CCDC6: variants seen among roughly 807,000 people sequenced by gnomAD.
The protein encoded by CCDC6 is coiled-coil domain containing 6.
A neutral mutation model predicts 56.6 loss-of-function variants in CCDC6; 20 were observed. That is an observed-to-expected ratio of 0.35 (90% CI 0.25 to 0.51). CCDC6 has a LOEUF of 0.51. Ranked by LOEUF, CCDC6 falls within the 20% of genes least tolerant of loss-of-function variation. The pLI, the probability that CCDC6 is intolerant of heterozygous loss-of-function variation, is 0.95. For synonymous variants in CCDC6, 241 were observed against 234.4 expected, an observed-to-expected ratio of 1.03 and a Z score of -0.26; for missense variants, 367 against 601.1, an observed-to-expected ratio of 0.61 and a Z score of 4.07.
Position 59,789,115 on chromosome 10 carries a change from T to G in CCDC6, c.*3802A>C, listed in dbSNP as rs1260512412. On this transcript the variant is annotated 3_prime_UTR_variant, in exon 9 of 9. Coordinates refer to ENST00000263102, the MANE Select transcript of CCDC6 (RefSeq NM_005436.5). ...CTCAGGGGTCAACCTGACCAGATAC[T>G]CTTCTGGAGGAATGCATTCTTAAAC... 4.4e-6 allele frequency: 1 copy of G among 228,722 alleles called. No individual in the cohort carries two copies. The highest frequency in any genetic ancestry group is 1.8e-4 in the South Asian group (1 of 5,464). The allele number at this position is 228,722 out of a possible 1,614,324, so 14.2% of individuals were successfully genotyped here. A position where few individuals can be genotyped will look rare whatever the true frequency, so the allele number is the denominator to read the frequency against.
At chr10:59,879,586 T>C (rs945438630) in intron 1 of CCDC6, among the ~76,000 whole-genome samples, 2 of 58,806 alleles carry the variant, frequency 3.4e-5, no homozygotes, top group Admixed American at 2.0e-4. Flanking sequence ...AATACAAACA[T>C]ATCCCATCTC....
chr10:59,866,622 C>T (rs970647210), intron 1 of CCDC6, among the ~76,000 whole-genome samples: 2 of 152,058 alleles, frequency 1.3e-5, no homozygotes, highest in Non-Finnish European at 2.9e-5. Context: ...TTCGGCCTCA[C>T]GTCGTATATA....
chr10:59,862,318 C>G (rs1332937436), intron 1 of CCDC6, among the ~76,000 whole-genome samples: 1 of 151,518 alleles, frequency 6.6e-6, no homozygotes, highest in Non-Finnish European at 1.5e-5. Context: ...GAAACCGTGT[C>G]TCTGCTAAAA....
At chr10:59,872,371 A>G (rs2071237140) in intron 1 of CCDC6, among the ~76,000 whole-genome samples, 1 of 152,206 alleles carries the variant, frequency 6.6e-6, no homozygotes, top group Non-Finnish European at 1.5e-5. Flanking sequence ...AGACTTAAGC[A>G]AACAGCTGCC....
chr10:59,837,767 A>AAAAG (rs1554884364), intron 2 of CCDC6, among the ~76,000 whole-genome samples: 105 of 143,740 alleles, frequency 7.3e-4, no homozygotes, highest in Middle Eastern at 3.6e-3. Flanking sequence ...AAAAAAAAAA[A>AAAAG]AAAGAAAGAA....
At chr10:59,815,982 C>T (rs118048086) in intron 3 of CCDC6, among the ~76,000 whole-genome samples, 2,526 of 152,296 alleles carry the variant, frequency 0.017, 31 homozygotes, top group Middle Eastern at 0.041. Flanking sequence ...TGACATTCCC[C>T]TTTCTGAAAC....
chr10:59,792,823 C>A lies in CCDC6; in HGVS notation c.*94G>T, dbSNP rs780633071. The stretch of plus-strand genomic sequence containing the variant: ...CTAGATAACCTCAGTGCAAATAAGT[C>A]ATATCCAAATATGCCAGAGAAGGAA... On this transcript the variant is annotated 3_prime_UTR_variant, in exon 9 of 9. Coordinates refer to ENST00000263102, the MANE Select transcript of CCDC6 (RefSeq NM_005436.5). 14 of 1,257,312 alleles carry A rather than the reference C, an allele frequency of 1.1e-5. No individual in the cohort carries two copies. The highest frequency in any genetic ancestry group is 1.2e-6 in the Non-Finnish European group (1 of 856,362). The allele number at this position is 1,257,312 out of a possible 1,614,324, so 77.9% of individuals were successfully genotyped here.
intron 2 of CCDC6, among the ~76,000 whole-genome samples, chr10:59,835,292 G>C (rs569393413): frequency 2.4e-4 from 37 of 152,322 alleles, no homozygotes; most frequent in African/African-American, 8.9e-4. Context: ...GTTTGTCATA[G>C]AATGTTGTAA....
At chr10:59,823,892 T>A (rs562243092) in intron 3 of CCDC6, among the ~76,000 whole-genome samples, 2 of 152,188 alleles carry the variant, frequency 1.3e-5, no homozygotes, top group Non-Finnish European at 2.9e-5. Context: ...CAGTACAGTA[T>A]CCCTGGGTTT....
At chr10:59,900,995 TTGCA>T (rs1241048059) in intron 1 of CCDC6, among the ~76,000 whole-genome samples, 4 of 152,080 alleles carry the variant, frequency 2.6e-5, no homozygotes, top group South Asian at 2.1e-4. Context: ...GGGGCAGAGG[TTGCA>T]GTGAACTGAG....
intron 4 of CCDC6, among the ~76,000 whole-genome samples, chr10:59,813,133 C>T (rs910408699): frequency 6.6e-6 from 1 of 152,170 alleles, no homozygotes; most frequent in African/African-American, 2.4e-5. Context: ...ACTCAATGTT[C>T]AACTTCTTGG....
intron 1 of CCDC6, among the ~76,000 whole-genome samples, chr10:59,868,091 T>C (rs964248753): frequency 1.3e-5 from 2 of 152,180 alleles, no homozygotes; most frequent in South Asian, 4.2e-4. Flanking sequence ...CTTTCTAAAT[T>C]GATTGAGACC....
intron 2 of CCDC6, 136 bp downstream of exon 2, chr10:59,852,417 T>C: frequency 3.1e-6 from 2 of 638,858 alleles, no homozygotes; most frequent in Non-Finnish European, 5.0e-6. Context: ...CACCCTTACC[T>C]GGTATTTTGA....
intron 4 of CCDC6, 76 bp from the exon 5 acceptor site, chr10:59,812,871 G>T: frequency 8.8e-7 from 1 of 1,141,736 alleles, no homozygotes; most frequent in Non-Finnish European, 1.3e-6. Context: ...TAGCTGGCAG[G>T]TTTGTTTTAA....
At chr10:59,866,322 G>A (rs1467735029) in intron 1 of CCDC6, among the ~76,000 whole-genome samples, 1 of 152,154 alleles carries the variant, frequency 6.6e-6, no homozygotes, top group African/African-American at 2.4e-5. Flanking sequence ...TTTAAAATGG[G>A]ATTAAGCTGC....
chr10:59,795,206 C>T (rs913229426), intron 7 of CCDC6, among the ~76,000 whole-genome samples: 1 of 152,016 alleles, frequency 6.6e-6, no homozygotes, highest in Admixed American at 6.5e-5. Context: ...ATTTGCAAAC[C>T]ATATACCTGG....
At chr10:59,890,255 TC>T (rs2071411962) in intron 1 of CCDC6, among the ~76,000 whole-genome samples, 1 of 152,060 alleles carries the variant, frequency 6.6e-6, no homozygotes, top group African/African-American at 2.4e-5. Flanking sequence ...AGACATCCAG[TC>T]AACGATGGCT....
Position 59,812,771 on chromosome 10 carries a change from C to T in CCDC6, c.711G>A (p.Gln237=), listed in dbSNP as rs376774410. The T allele has an allele frequency of 2.5e-6, 4 of 1,607,268 alleles. No individual in the cohort carries two copies. The highest frequency in any genetic ancestry group is 3.4e-6 in the Non-Finnish European group (4 of 1,176,724). Residue 237 remains glutamine, a synonymous_variant, in exon 5 of 9, where the codon CAG becomes CAA. Coordinates refer to ENST00000263102, the MANE Select transcript of CCDC6 (RefSeq NM_005436.5). ...EKRILQEKLD[Q]PVSAPPSPRD... ...TAGGCGATGGTGGAGCAGAGACGGG[C>T]TGGTCTAATTTTTCCTGCAGGATTC...
At chr10:59,800,164 C>T (rs1469101754) in intron 7 of CCDC6, among the ~76,000 whole-genome samples, 3 of 152,180 alleles carry the variant, frequency 2.0e-5, no homozygotes, top group African/African-American at 7.2e-5. Context: ...CTGATTACAC[C>T]CTACATAACA....
Sources: allele counts gnomAD v4.1 joint callset (sites outside exome capture counted in the v4.1 genomes callset), GRCh38; gene constraint gnomAD v4.1.1; transcripts MANE v1.5; gene names NCBI Gene and HGNC (gene_info 2026-07-23, HGNC 2026-07-21).